The following RNF169 variants were observed in gnomAD, a reference collection of about 807,000 sequenced individuals.
RNF169 encodes ring finger protein 169.
A neutral mutation model predicts 53.9 loss-of-function variants in RNF169; 24 were observed. The observed-to-expected ratio is 0.45, with a 90% confidence interval of 0.32 to 0.63. The LOEUF (loss-of-function observed/expected upper bound fraction) is 0.63, where lower values mean the gene tolerates loss of function less well. Among genes scored for constraint, RNF169 ranks in the 20% least tolerant of loss-of-function variants. The pLI is 0.04. For synonymous variants in RNF169, 396 were observed against 363.5 expected, an observed-to-expected ratio of 1.09 and a Z score of -1.02; for missense variants, 883 against 906.2, an observed-to-expected ratio of 0.97 and a Z score of 0.33.
chr11:74,770,031 ATCC>A (rs2035236747), intron 1 of RNF169, among the ~76,000 whole-genome samples: 2 of 152,336 alleles, frequency 1.3e-5, no homozygotes, highest in African/African-American at 4.8e-5. Context: ...GGTTCAAGCA[ATCC>A]TCCTGCCTCA....
chr11:74,780,443 T>C (rs2035400729), intron 1 of RNF169, among the ~76,000 whole-genome samples: 1 of 152,214 alleles, frequency 6.6e-6, no homozygotes, highest in Non-Finnish European at 1.5e-5. Context: ...TTGCCAGAAA[T>C]GGCTTTTTCC....
At chr11:74,786,100 C>T (rs1410829649) in intron 1 of RNF169, among the ~76,000 whole-genome samples, 1 of 151,944 alleles carries the variant, frequency 6.6e-6, no homozygotes, top group Non-Finnish European at 1.5e-5. Context: ...GTCACCACAC[C>T]TGGCTAATTT....
Position 74,836,190 on chromosome 11 carries a change from C to G in RNF169, c.1587C>G (p.Cys529Trp), listed in dbSNP as rs1456234580. Residue 529 changes from cysteine to tryptophan, a missense_variant, in exon 6 of 6, where the codon TGC (cysteine) becomes TGG (tryptophan). Around this residue, in one of 3 missense-constraint regions of RNF169, gnomAD observed 351 missense variants for 337.3 expected, o/e 1.04. Transcript: ENST00000299563. ...KSSTEIPLET[C>W]CSSELKGGGS... ...GCACTGAGATCCCACTGGAAACCTGCTGTTCCTCAGAACTCAAAGGGGGAG... is the reference window on the plus strand; with the variant it reads ...GCACTGAGATCCCACTGGAAACCTGGTGTTCCTCAGAACTCAAAGGGGGAG... The G allele has an allele frequency of 6.2e-7, 1 of 1,614,086 alleles. No individual in the cohort carries two copies. Among genetic ancestry groups the G allele is most frequent in the Non-Finnish European group, 8.5e-7 (1 of 1,180,048 alleles).
At chr11:74,815,935 G>A (rs1333148967) in intron 3 of RNF169, among the ~76,000 whole-genome samples, 1 of 152,170 alleles carries the variant, frequency 6.6e-6, no homozygotes, top group African/African-American at 2.4e-5. Context: ...CTAGAGTTGA[G>A]AAGAGAATAT....
At chr11:74,761,488 C>G (rs2035081093) in intron 1 of RNF169, among the ~76,000 whole-genome samples, 1 of 149,310 alleles carries the variant, frequency 6.7e-6, no homozygotes. Flanking sequence ...CCTTCAGGAG[C>G]TCTTTTAGGG....
intron 1 of RNF169, among the ~76,000 whole-genome samples, chr11:74,759,000 G>T (rs2035032954): frequency 6.6e-6 from 1 of 150,684 alleles, no homozygotes; most frequent in Non-Finnish European, 1.5e-5. Context: ...AGTGGTTTGT[G>T]GTTCTCCTTG....
intron 1 of RNF169, among the ~76,000 whole-genome samples, chr11:74,761,273 A>G (rs962132904): frequency 3.4e-5 from 5 of 146,552 alleles, no homozygotes; most frequent in African/African-American, 7.6e-5. Context: ...CCAACTTGCC[A>G]GTCTGTGTCT....
In RNF169 at chr11:74,799,937, G is replaced by A. The variant is rs1217619446; in HGVS notation, c.576+10238G>A. Among the ~76,000 whole-genome samples the A allele has an allele frequency of 4.7e-5, 7 of 149,838 alleles. No individual in the cohort carries two copies. The South Asian group carries it at 8.5e-4, about 18-fold the overall frequency. The stretch of plus-strand genomic sequence containing the variant: ...AAAAATAGATTTTAGATCACATTAT[G>A]CATGCCACTTTTACTGCCCTTTTAA... On this transcript the variant is annotated intron_variant, in intron 2 of 5. Transcript: ENST00000299563.
chr11:74,811,498 G>T (rs867204701), intron 3 of RNF169, among the ~76,000 whole-genome samples: 1 of 152,146 alleles, frequency 6.6e-6, no homozygotes, highest in African/African-American at 2.4e-5. Context: ...GCCTCCCAAA[G>T]TGCTGGGATT....
At position 74,835,851 on chromosome 11, in the gene RNF169, A is replaced by C. The variant is rs772605044; in HGVS notation, c.1248A>C (p.Arg416Ser). Residue 416 changes from arginine (R) to serine (S), a missense_variant, in exon 6 of 6, where the codon AGA becomes AGC. By Grantham distance (110) the Arg-to-Ser change is moderately radical. Transcript: ENST00000299563. ...IIKSTPRNLN[R>S]SLQKQTSYEA... is the part of the protein sequence containing the mutation. ...AATCAACTCCACGCAACCTAAACAG[A>C]AGCCTGCAGAAGCAGACTTCTTATG... The C allele has an allele frequency of 5.0e-5, 80 of 1,614,026 alleles. 1 individual carries two copies. In the South Asian group the frequency reaches 8.6e-4, roughly 17 times the overall value.
chr11:74,830,519 T>A, intron 4 of RNF169: 1 of 148,810 alleles, frequency 6.7e-6, no homozygotes, highest in Non-Finnish European at 1.5e-5. Flanking sequence ...AATTGACCTA[T>A]ATCAAGTAAA....
intron 1 of RNF169, among the ~76,000 whole-genome samples, chr11:74,750,221 A>G (rs1184464648): frequency 2.6e-5 from 4 of 152,208 alleles, no homozygotes; most frequent in Admixed American, 6.5e-5. Context: ...AGTGCCCTGT[A>G]TAAAATAAGA....
At chr11:74,768,180 C>A (rs531184413) in intron 1 of RNF169, among the ~76,000 whole-genome samples, 2 of 152,192 alleles carry the variant, frequency 1.3e-5, no homozygotes, top group South Asian at 2.1e-4. Flanking sequence ...TAGAAACATG[C>A]CCTCATATAT....
Position 74,749,344 on chromosome 11 carries a change from G to C in RNF169, c.464G>C (p.Arg155Thr). Residue 155 changes from arginine (R) to threonine (T), a missense_variant, in exon 1 of 6, where the codon AGG (arginine) becomes ACG (threonine). By Grantham distance (71) the Arg-to-Thr change is moderately conservative. This residue lies in a region of RNF169 where 313 missense variants were observed against 279.9 expected (regional missense o/e 1.12). Coordinates refer to ENST00000299563, the MANE Select transcript of RNF169 (RefSeq NM_001098638.2). ...GGGGGCGCGGCTGCCGCGGGGCCCAGGCCAGAGCAGGAGCCGCGTGCCGCG... is the reference window on the plus strand; with the variant it reads ...GGGGGCGCGGCTGCCGCGGGGCCCACGCCAGAGCAGGAGCCGCGTGCCGCG... The part of the protein sequence containing the change: ...RDGGAAAAGP[R>T]PEQEPRAAPA... 8.2e-7 allele frequency: 1 copy of C among 1,223,280 alleles called. No individual in the cohort carries two copies. The highest frequency in any genetic ancestry group is 1.0e-6 in the Non-Finnish European group (1 of 980,992). 75.8% of individuals were successfully genotyped at this position (1,223,280 alleles called of 1,614,324 possible). A position where few individuals can be genotyped will look rare whatever the true frequency, so the allele number is the denominator to read the frequency against.
chr11:74,810,046 G>C (rs748092586), intron 2 of RNF169, 138 bp from the exon 3 acceptor site: 73 of 691,470 alleles, frequency 1.1e-4, no homozygotes, highest in Non-Finnish European at 1.6e-4. Flanking sequence ...TAGAAATCAA[G>C]AGGGCTCTAT....
At chr11:74,766,128 A>G (rs895153603) in intron 1 of RNF169, among the ~76,000 whole-genome samples, 6 of 152,230 alleles carry the variant, frequency 3.9e-5, no homozygotes, top group Admixed American at 6.5e-5. Context: ...CTTTCTGCCC[A>G]TGAATTTGAA....
rs573431375 is a variant in RNF169, at chr11:74,802,930, G to C, written c.577-7254G>C. Reference sequence around the variant, plus strand: ...ATTGAACACAAGTAATTTTTTTTGGGGGGGGGTGGGGACGGAGTCTTGCTC... The same window carrying C: ...ATTGAACACAAGTAATTTTTTTTGGCGGGGGGTGGGGACGGAGTCTTGCTC... On this transcript the variant is annotated intron_variant, in intron 2 of 5. Coordinates refer to ENST00000299563, the MANE Select transcript of RNF169 (RefSeq NM_001098638.2). Among the ~76,000 whole-genome samples, 87 of 151,524 alleles carry C rather than the reference G, an allele frequency of 5.7e-4. 1 individual carries two copies. In the South Asian group the frequency reaches 0.017, roughly 30 times the overall value.
At position 74,835,926 on chromosome 11, in the gene RNF169, G is replaced by A. The variant is rs1164076363; in HGVS notation, c.1323G>A (p.Arg441=). ...LKKWEQIFQE[R]QIKKTLSKAT... is the part of the protein sequence containing the mutation. ...AGTGGGAACAGATCTTTCAGGAGCG[G>A]CAGATCAAAAAGACCCTTTCAAAAG... Residue 441 remains arginine (R), a synonymous_variant, in exon 6 of 6, where the codon CGG becomes CGA. Transcript: ENST00000299563. 6.2e-7 allele frequency: 1 copy of A among 1,614,036 alleles called. No individual in the cohort carries two copies. The highest frequency in any genetic ancestry group is 1.3e-5 in the African/African-American group (1 of 74,918).
chr11:74,809,772 G>C (rs997908349), intron 2 of RNF169, among the ~76,000 whole-genome samples: 7 of 152,218 alleles, frequency 4.6e-5, no homozygotes, highest in Admixed American at 1.3e-4. Flanking sequence ...TCACTCTTTT[G>C]TTGCCAAGGA....
Sources: gnomAD v4.1 joint callset for allele counts (sites outside exome capture counted in the v4.1 genomes callset) on GRCh38, gnomAD v4.1.1 for gene constraint, gnomAD v4.1.1 regional missense constraint, MANE v1.5 for transcripts, NCBI Gene and HGNC (gene_info 2026-07-23, HGNC 2026-07-21) for gene names.